The following SLC24A2 variants were observed in gnomAD, a reference collection of about 807,000 sequenced individuals.
SLC24A2 encodes solute carrier family 24 member 2.
A neutral mutation model predicts 62.0 loss-of-function variants in SLC24A2; 36 were observed. The observed-to-expected ratio is 0.58, with a 90% confidence interval of 0.44 to 0.77. The LOEUF (loss-of-function observed/expected upper bound fraction) is 0.77. Among genes scored for constraint, SLC24A2 ranks in the 30% least tolerant of loss-of-function variants. The probability of loss-of-function intolerance (pLI) is 0.00; values close to 1 mark genes in which losing one functional copy is unlikely to be tolerated. For missense variants in SLC24A2, 846 were observed against 817.9 expected (o/e 1.03, Z -0.42); for synonymous variants, 358 against 294.0 (o/e 1.22, Z -2.23).
the SLC24A2 span, among the ~76,000 whole-genome samples, chr9:19,996,656 C>T: frequency 1.3e-5 from 2 of 149,776 alleles, no homozygotes; most frequent in Non-Finnish European, 1.5e-5. Context: ...GGAGGAGAAT[C>T]GCTTGAACCT....
chr9:19,815,112 A>C, the SLC24A2 span, among the ~76,000 whole-genome samples: 2 of 152,158 alleles, frequency 1.3e-5, no homozygotes, highest in Non-Finnish European at 2.9e-5. Flanking sequence ...TTTCCTATTA[A>C]GTTAATCACT....
At position 19,509,379 on chromosome 9, in the gene SLC24A2, A is replaced by AT. The variant is rs1172389657; in HGVS notation, c.*6773dup. On this transcript the variant is annotated 3_prime_UTR_variant, in exon 11 of 11. Transcript: ENST00000341998. ...TTGCCTAGAACAATAATTGTAGTTAATAAAAAATAGAACAGATAAACTCCA... is the reference window on the plus strand; with the variant it reads ...TTGCCTAGAACAATAATTGTAGTTAATTAAAAAATAGAACAGATAAACTCCA... 1.3e-5 allele frequency: 2 copies of AT among 152,206 alleles called. No individual in the cohort carries two copies. The highest frequency in any genetic ancestry group is 2.9e-5 in the Non-Finnish European group (2 of 68,030). 9.4% of individuals were successfully genotyped at this position (152,206 alleles called of 1,614,324 possible).
the SLC24A2 span, among the ~76,000 whole-genome samples, chr9:20,214,091 ATTAAT>A: frequency 6.6e-6 from 1 of 152,222 alleles, no homozygotes; most frequent in Non-Finnish European, 1.5e-5. Context: ...ACCACAATTT[ATTAAT>A]TTATCTGTCA....
intron 2 of SLC24A2, among the ~76,000 whole-genome samples, chr9:19,783,392 G>A (rs1352575334): frequency 6.6e-6 from 1 of 152,122 alleles, no homozygotes; most frequent in East Asian, 1.9e-4. Context: ...TTCCTCTCTA[G>A]GAAGACTCCA....
Position 19,511,007 on chromosome 9 carries a change from A to C in SLC24A2, c.*5146T>G, listed in dbSNP as rs1427257436. On this transcript the variant is annotated 3_prime_UTR_variant, in exon 11 of 11. Coordinates refer to ENST00000341998, the MANE Select transcript of SLC24A2 (RefSeq NM_020344.4). ...GCCCCATGTGTGAGGAAGGCATGCA[A>C]AATGCCAGTGTGTACATTAGCTGGG... The C allele has an allele frequency of 1.3e-5, 2 of 152,236 alleles. No individual in the cohort carries two copies. Among genetic ancestry groups the C allele is most frequent in the Non-Finnish European group, 1.5e-5 (1 of 68,090 alleles). 9.4% of individuals were successfully genotyped at this position (152,236 alleles called of 1,614,324 possible). A position where few individuals can be genotyped will look rare whatever the true frequency, so the allele number is the denominator to read the frequency against.
chr9:19,636,334 T>TC (rs1194037798), intron 2 of SLC24A2, among the ~76,000 whole-genome samples: 8 of 25,958 alleles, frequency 3.1e-4, no homozygotes, highest in African/African-American at 1.5e-3. Flanking sequence ...TTTCTTTCTT[T>TC]CTTTCTTTCT....
intron 8 of SLC24A2, among the ~76,000 whole-genome samples, chr9:19,540,660 T>C (rs1329594440): frequency 6.9e-6 from 1 of 145,548 alleles, no homozygotes; most frequent in East Asian, 2.0e-4. Flanking sequence ...ATTTCAACTT[T>C]GGTGAATCTG....
At chr9:20,142,042 C>A in the SLC24A2 span, among the ~76,000 whole-genome samples, 1 of 152,102 alleles carries the variant, frequency 6.6e-6, no homozygotes, top group Non-Finnish European at 1.5e-5. Context: ...AAAATTACAC[C>A]ACTGCACTCC....
chr9:20,123,940 A>G, the SLC24A2 span, among the ~76,000 whole-genome samples: 2 of 152,212 alleles, frequency 1.3e-5, no homozygotes, highest in African/African-American at 4.8e-5. Flanking sequence ...TTTTGAAAAT[A>G]CTATACCTAA....
chr9:19,671,623 G>A (rs1357034509), intron 2 of SLC24A2, among the ~76,000 whole-genome samples: 3 of 152,142 alleles, frequency 2.0e-5, no homozygotes, highest in Non-Finnish European at 4.4e-5. Flanking sequence ...GGGCATCCTT[G>A]TCTTGTTCTG....
the SLC24A2 span, among the ~76,000 whole-genome samples, chr9:20,001,184 G>C: frequency 6.6e-6 from 1 of 152,182 alleles, no homozygotes; most frequent in South Asian, 2.1e-4. Context: ...TCCCTGCTGC[G>C]CCACACATCC....
At chr9:19,720,896 G>C (rs796654969) in intron 2 of SLC24A2, among the ~76,000 whole-genome samples, 3 of 147,200 alleles carry the variant, frequency 2.0e-5, no homozygotes, top group African/African-American at 7.5e-5. Context: ...ATCTCTAAAA[G>C]CTTCTACCAG....
chr9:19,776,684 T>C (rs1822856063), intron 2 of SLC24A2, among the ~76,000 whole-genome samples: 1 of 152,218 alleles, frequency 6.6e-6, no homozygotes, highest in Non-Finnish European at 1.5e-5. Flanking sequence ...GTCAAGTCAA[T>C]TAAATCATTT....
At chr9:19,528,493 C>T (rs553376108) in intron 8 of SLC24A2, among the ~76,000 whole-genome samples, 1 of 152,264 alleles carries the variant, frequency 6.6e-6, no homozygotes, top group Admixed American at 6.6e-5. Context: ...ATTCTCCCTC[C>T]TCCTTTTTCT....
At chr9:19,885,277 T>C in the SLC24A2 span, among the ~76,000 whole-genome samples, 5 of 152,100 alleles carry the variant, frequency 3.3e-5, no homozygotes, top group Admixed American at 6.6e-5. Flanking sequence ...ACTTCCATTA[T>C]AGTAAGGAAG....
At chr9:19,961,394 A>C in the SLC24A2 span, among the ~76,000 whole-genome samples, 1 of 152,204 alleles carries the variant, frequency 6.6e-6, no homozygotes, top group African/African-American at 2.4e-5. Flanking sequence ...CACAAAACCC[A>C]ATCTTTGGCA....
chr9:20,282,439 C>G, the SLC24A2 span, among the ~76,000 whole-genome samples: 4 of 152,126 alleles, frequency 2.6e-5, no homozygotes, highest in East Asian at 7.7e-4. Context: ...ACACAATTAT[C>G]TATCATGACA....
chr9:19,994,446 C>A, the SLC24A2 span, among the ~76,000 whole-genome samples: 1 of 152,188 alleles, frequency 6.6e-6, no homozygotes, highest in African/African-American at 2.4e-5. Flanking sequence ...TAGAACACTG[C>A]CAATTGGTTT....
the SLC24A2 span, among the ~76,000 whole-genome samples, chr9:19,903,948 G>C: frequency 6.6e-6 from 1 of 152,272 alleles, no homozygotes; most frequent in Admixed American, 6.5e-5. Context: ...CATGCACAAA[G>C]ATTTTGTAAC....
Sources: gnomAD v4.1 joint callset for allele counts (sites outside exome capture counted in the v4.1 genomes callset) on GRCh38, gnomAD v4.1.1 for gene constraint, MANE v1.5 for transcripts, NCBI Gene and HGNC (gene_info 2026-07-23, HGNC 2026-07-21) for gene names.